Variants in ADGRL3 observed in about 807,000 individuals in gnomAD.
ADGRL3 encodes calcium-independent alpha-latrotoxin receptor 3.
In ADGRL3, 62 loss-of-function variants were observed where a neutral mutation model predicts 153.5. The ratio of observed to expected loss-of-function variants is 0.40; its 90% CI spans 0.33 to 0.50. The LOEUF (loss-of-function observed/expected upper bound fraction) is 0.50, where lower values mean the gene tolerates loss of function less well. Among genes scored for constraint, ADGRL3 ranks in the 20% least tolerant of loss-of-function variants. The probability of loss-of-function intolerance (pLI) is 0.47; values close to 1 mark genes in which losing one functional copy is unlikely to be tolerated. For synonymous variants in ADGRL3, 710 were observed against 672.5 expected (o/e 1.06, Z -0.86); for missense variants, 1,641 against 1,859.4 (o/e 0.88, Z 2.16).
chr4:61,602,608 A>C lies in ADGRL3; in HGVS notation c.473+15168A>C, dbSNP rs138784795. On this transcript the variant is annotated intron_variant, in intron 5 of 26. Transcript: ENST00000683033. ...GGTGCCCACCCTTTGAGCTAAGATT[A>C]GTTTCAATCCCATGTGAAGCACATA... Among the ~76,000 whole-genome samples the C allele has an allele frequency of 4.1e-3, 626 of 152,284 alleles. 4 individuals are homozygous for C. Among genetic ancestry groups the C allele is most frequent in the African/African-American group, 0.015 (604 of 41,574 alleles).
In ADGRL3 at chr4:61,672,859, G is replaced by A. The variant is rs556283717; in HGVS notation, c.474-3967G>A. Among the ~76,000 whole-genome samples the A allele has an allele frequency of 2.6e-5, 4 of 152,100 alleles. No homozygotes were observed. In the South Asian group the frequency reaches 6.2e-4, roughly 24 times the overall value. ...AAAAGAAATGAATCAATATCTTAAA[G>A]AGATATCTGTAGTCTCACGTTCCTT... is the stretch of plus-strand genomic sequence containing the variant. On this transcript the variant is annotated intron_variant, in intron 5 of 26. Transcript: ENST00000683033.
At chr4:61,801,152 C>T in intron 8 of ADGRL3, among the ~76,000 whole-genome samples, 1 of 152,120 alleles carries the variant, frequency 6.6e-6, no homozygotes, top group East Asian at 1.9e-4. Context: ...TAAAGATAAT[C>T]TACTTGAGAA....
At chr4:61,382,421 T>C (rs1305602841) in intron 1 of ADGRL3, among the ~76,000 whole-genome samples, 1 of 151,594 alleles carries the variant, frequency 6.6e-6, no homozygotes, top group African/African-American at 2.4e-5. Context: ...ATATTAAATA[T>C]CTAAAGAAAA....
chr4:61,477,674 T>A (rs1296848822), intron 2 of ADGRL3, among the ~76,000 whole-genome samples: 1 of 152,150 alleles, frequency 6.6e-6, no homozygotes, highest in East Asian at 1.9e-4. Flanking sequence ...TCACTTGTCT[T>A]CAGGGATTTA....
chr4:61,968,440 C>CT (rs1339188916), intron 17 of ADGRL3, among the ~76,000 whole-genome samples: 1 of 152,108 alleles, frequency 6.6e-6, no homozygotes, highest in Non-Finnish European at 1.5e-5. Context: ...AAATCTTTTT[C>CT]TTTGTTCTCA....
chr4:61,380,635 A>G (rs187026773), intron 1 of ADGRL3, among the ~76,000 whole-genome samples: 36 of 152,142 alleles, frequency 2.4e-4, no homozygotes, highest in African/African-American at 8.2e-4. Context: ...CAAGACCTAG[A>G]GTGAGTTGCA....
At chr4:61,216,423 C>T (rs1199636481) in intron 1 of ADGRL3, among the ~76,000 whole-genome samples, 1 of 151,978 alleles carries the variant, frequency 6.6e-6, no homozygotes, top group African/African-American at 2.4e-5. Context: ...AGGCCCATAG[C>T]AGTGTTACCT....
chr4:61,226,539 G>A (rs1748043135), intron 1 of ADGRL3, among the ~76,000 whole-genome samples: 1 of 152,174 alleles, frequency 6.6e-6, no homozygotes, highest in Non-Finnish European at 1.5e-5. Context: ...AATAGTGGAA[G>A]AGAGTTCATT....
At chr4:62,011,814 T>A (rs779481165) in intron 21 of ADGRL3, among the ~76,000 whole-genome samples, 5 of 152,126 alleles carry the variant, frequency 3.3e-5, no homozygotes, top group Non-Finnish European at 7.4e-5. Context: ...AAAGTCTTAA[T>A]CAGAAAATAC....
chr4:62,059,153 A>C (rs1482478081), intron 25 of ADGRL3, among the ~76,000 whole-genome samples: 1 of 152,142 alleles, frequency 6.6e-6, no homozygotes, highest in African/African-American at 2.4e-5. Context: ...AGCGATAGGA[A>C]GTATGTCCTC....
At chr4:61,379,729 C>G (rs942874519) in intron 1 of ADGRL3, among the ~76,000 whole-genome samples, 6 of 151,986 alleles carry the variant, frequency 3.9e-5, no homozygotes. Flanking sequence ...ATCTTAATTC[C>G]ACATTAATTT....
chr4:61,575,357 T>G (rs1473245474), intron 4 of ADGRL3, among the ~76,000 whole-genome samples: 1 of 152,016 alleles, frequency 6.6e-6, no homozygotes, highest in Middle Eastern at 3.2e-3. Flanking sequence ...GAAAATACTC[T>G]TGTTTAAAAT....
chr4:62,021,772 G>C (rs879486676), intron 21 of ADGRL3, among the ~76,000 whole-genome samples: 53 of 152,038 alleles, frequency 3.5e-4, no homozygotes, highest in Non-Finnish European at 3.4e-4. Flanking sequence ...AATTATTTTA[G>C]GGCCCCATGA....
In ADGRL3 at chr4:62,070,515, C is replaced by G. The variant is rs932877031; in HGVS notation, c.4239C>G (p.Asn1413Lys). The change falls in exon 27 of 27, where the codon AAC becomes AAG. Residue 1413 changes from asparagine to lysine, a missense_variant. This residue lies in a region of ADGRL3 where 517 missense variants were observed against 555.0 expected (regional missense o/e 0.93). Transcript: ENST00000683033. ...CCCCAAGAGTATACTCCACCGAGAACCACCAGCCACACCATTATACCAGAA... is the reference window on the plus strand; with the variant it reads ...CCCCAAGAGTATACTCCACCGAGAAGCACCAGCCACACCATTATACCAGAA... ...LLPPRVYSTE[N>K]HQPHHYTRRR... 1 of 1,551,378 alleles carries G rather than the reference C, an allele frequency of 6.4e-7. No individual in the cohort carries two copies. Among genetic ancestry groups the G allele is most frequent in the Non-Finnish European group, 8.7e-7 (1 of 1,146,916 alleles).
intron 13 of ADGRL3, 31 bp downstream of exon 13, chr4:61,912,788 G>C (rs374164420): frequency 3.8e-6 from 6 of 1,593,928 alleles, no homozygotes; most frequent in Non-Finnish European, 5.2e-6. Context: ...AATGTGTTAA[G>C]TTGTTGAATG....
chr4:61,329,968 T>C (rs927354229), intron 1 of ADGRL3, among the ~76,000 whole-genome samples: 2 of 152,164 alleles, frequency 1.3e-5, no homozygotes, highest in African/African-American at 2.4e-5. Flanking sequence ...GAAATTGCAA[T>C]CACTTTGACA....
intron 4 of ADGRL3, among the ~76,000 whole-genome samples, chr4:61,556,352 G>C (rs533071835): frequency 1.3e-5 from 2 of 152,184 alleles, no homozygotes; most frequent in African/African-American, 4.8e-5. Context: ...AGTACAAAAG[G>C]CTGTGAGACA....
At chr4:61,572,772 T>A (rs2098844318) in intron 4 of ADGRL3, among the ~76,000 whole-genome samples, 1 of 152,002 alleles carries the variant, frequency 6.6e-6, no homozygotes, top group African/African-American at 2.4e-5. Flanking sequence ...TAGTAGTGTG[T>A]TAATTTGTGT....
intron 5 of ADGRL3, among the ~76,000 whole-genome samples, chr4:61,607,509 A>G (rs991273290): frequency 2.6e-5 from 4 of 152,170 alleles, no homozygotes; most frequent in African/African-American, 4.8e-5. Flanking sequence ...CTGAAGCAGA[A>G]GAATCACTTG....
Sources: allele counts gnomAD v4.1 joint callset (sites outside exome capture counted in the v4.1 genomes callset), GRCh38; gene constraint gnomAD v4.1.1; regional missense constraint gnomAD v4.1.1; transcripts MANE v1.5; gene names NCBI Gene and HGNC (gene_info 2026-07-23, HGNC 2026-07-21).